The following AGTPBP1 variants were observed in gnomAD, a reference collection of about 807,000 sequenced individuals.
AGTPBP1 encodes ATP/GTP binding carboxypeptidase 1.
AGTPBP1 carries 70 observed loss-of-function variants against 143.9 expected under a neutral mutation model. That is an observed-to-expected ratio of 0.49 (90% CI 0.40 to 0.59). AGTPBP1 has a LOEUF of 0.59. AGTPBP1 is among the 20% of genes least tolerant of loss of function. The probability of loss-of-function intolerance (pLI) is 0.00; values close to 1 mark genes in which losing one functional copy is unlikely to be tolerated. For missense variants in AGTPBP1, 1,229 were observed against 1,464.5 expected (o/e 0.84, Z 2.62); for synonymous variants, 463 against 500.2 (o/e 0.93, Z 0.99).
chr9:85,691,830 A>G (rs973208509), intron 3 of AGTPBP1, among the ~76,000 whole-genome samples: 22 of 152,308 alleles, frequency 1.4e-4, no homozygotes, highest in African/African-American at 4.3e-4. Context: ...GGGTTTTGAT[A>G]TCAATTTAGT....
Position 85,711,149 on chromosome 9 carries a change from G to C in AGTPBP1, c.32+1353C>G, listed in dbSNP as rs574718582. 4.6e-5 allele frequency among the ~76,000 whole-genome samples: 7 copies of C among 152,250 alleles called. No individual in the cohort carries two copies. In the South Asian group the frequency reaches 1.5e-3, roughly 32 times the overall value. On this transcript the variant is annotated intron_variant, in intron 2 of 25. Coordinates refer to ENST00000357081, the MANE Select transcript of AGTPBP1 (RefSeq NM_001330701.2). Reference sequence around the variant, plus strand: ...TACAAAGCAGAAACTTTCATTACCAGTATTAATACACTGTCAATTACCAAG... The same window carrying C: ...TACAAAGCAGAAACTTTCATTACCACTATTAATACACTGTCAATTACCAAG...
intron 14 of AGTPBP1, among the ~76,000 whole-genome samples, chr9:85,622,164 C>T (rs2133566410): frequency 6.6e-6 from 1 of 152,266 alleles, no homozygotes; most frequent in Middle Eastern, 3.4e-3. Context: ...ATTATATGCA[C>T]TGATTTAAAT....
At position 85,625,286 on chromosome 9, in the gene AGTPBP1, A is replaced by T. The variant is rs1831199054; in HGVS notation, c.2016-4001T>A. On this transcript the variant is annotated intron_variant, in intron 14 of 25. Transcript: ENST00000357081. Reference sequence around the variant, plus strand: ...ATTCCCTCAATTGAGATTCTCTCATACATGAATTCTTTCAATTAATGTATG... The same window carrying T: ...ATTCCCTCAATTGAGATTCTCTCATTCATGAATTCTTTCAATTAATGTATG... Among the ~76,000 whole-genome samples, 3 of 152,226 alleles carry T rather than the reference A, an allele frequency of 2.0e-5. 1 individual carries two copies. The highest frequency in any genetic ancestry group is 2.0e-4 in the Admixed American group (3 of 15,278).
intron 7 of AGTPBP1, among the ~76,000 whole-genome samples, chr9:85,672,037 ATTAG>A (rs963309772): frequency 2.0e-5 from 3 of 151,870 alleles, no homozygotes; most frequent in African/African-American, 7.3e-5. Flanking sequence ...AATTGGAGAA[ATTAG>A]TTAGAATGTT....
chr9:85,743,551 A>G (rs1189532855), upstream of AGTPBP1, among the ~76,000 whole-genome samples: 1 of 152,156 alleles, frequency 6.6e-6, no homozygotes, highest in Non-Finnish European at 1.5e-5. Context: ...AATAAACTTC[A>G]CCTCTCCTAG....
At chr9:85,633,517 T>A in intron 13 of AGTPBP1, 143 bp from the exon 14 acceptor site, 1 of 588,698 alleles carries the variant, frequency 1.7e-6, no homozygotes, top group Non-Finnish European at 2.7e-6. Context: ...TTCATTTCAC[T>A]AAAAAGACAA....
rs376947468 is a variant in AGTPBP1, at chr9:85,552,242, T to A, written c.3504-4956A>T. 9.2e-5 allele frequency among the ~76,000 whole-genome samples: 14 copies of A among 152,356 alleles called. No homozygotes were observed. The East Asian group carries it at 1.3e-3, about 15-fold the overall frequency. ...TCTCTGCTGTATGGTATCATTATGA[T>A]GCAGAAAAGGTTTATAATTCCAACT... On this transcript the variant is annotated intron_variant, in intron 25 of 25. Coordinates refer to ENST00000357081, the MANE Select transcript of AGTPBP1 (RefSeq NM_001330701.2).
rs150995023 is a variant in AGTPBP1, at chr9:85,584,825, T to C, written c.3165+638A>G. 4.5e-3 allele frequency among the ~76,000 whole-genome samples: 686 copies of C among 152,320 alleles called. 4 individuals are homozygous for C. The highest frequency in any genetic ancestry group is 0.016 in the African/African-American group (655 of 41,572). The stretch of plus-strand genomic sequence containing the variant: ...AACATTTCACACCTAGGTGAAGAAA[T>C]TTTATACTTTACCAAATATAAAAGA... On this transcript the variant is annotated intron_variant, in intron 23 of 25. Coordinates refer to ENST00000357081, the MANE Select transcript of AGTPBP1 (RefSeq NM_001330701.2).
intron 11 of AGTPBP1, among the ~76,000 whole-genome samples, chr9:85,654,254 C>G (rs1312536922): frequency 1.3e-5 from 2 of 152,056 alleles, no homozygotes; most frequent in East Asian, 3.9e-4. Flanking sequence ...CTCTTTTTCA[C>G]TTTGGTAGAT....
chr9:85,746,082 T>A (rs1167557379), upstream of AGTPBP1, among the ~76,000 whole-genome samples: 2 of 152,020 alleles, frequency 1.3e-5, no homozygotes, highest in Admixed American at 1.3e-4. Context: ...ATTTGCAGAA[T>A]AAGATTAGGG....
intron 1 of AGTPBP1, 50 bp downstream of exon 1, chr9:85,741,725 G>A: frequency 5.5e-6 from 7 of 1,277,440 alleles, no homozygotes; most frequent in South Asian, 2.5e-5. Flanking sequence ...GGCCCGGGGA[G>A]AGCAGAGGGA....
chr9:85,573,087 T>TCCCTCC (rs1827618440), intron 25 of AGTPBP1, among the ~76,000 whole-genome samples: 2 of 151,602 alleles, frequency 1.3e-5, no homozygotes, highest in African/African-American at 2.4e-5. Context: ...CCTCTCCCTC[T>TCCCTCC]CCCTCCCCCT....
At chr9:85,751,147 CT>C in the AGTPBP1 span, among the ~76,000 whole-genome samples, 1 of 152,166 alleles carries the variant, frequency 6.6e-6, no homozygotes, top group African/African-American at 2.4e-5. Flanking sequence ...ATCCCCCTTT[CT>C]GGACCAAAAC....
intron 17 of AGTPBP1, among the ~76,000 whole-genome samples, chr9:85,601,899 C>A (rs960173470): frequency 6.6e-6 from 1 of 152,130 alleles, no homozygotes; most frequent in Non-Finnish European, 1.5e-5. Context: ...ACACCCTAAG[C>A]CAGTGAAGAA....
chr9:85,767,733 C>G, the AGTPBP1 span, among the ~76,000 whole-genome samples: 1 of 152,204 alleles, frequency 6.6e-6, no homozygotes, highest in Non-Finnish European at 1.5e-5. Context: ...CCACCCACCT[C>G]AGCCTCCCAA....
the AGTPBP1 span, among the ~76,000 whole-genome samples, chr9:85,747,605 G>T: frequency 1.3e-5 from 2 of 152,062 alleles, no homozygotes; most frequent in African/African-American, 4.8e-5. Context: ...ACTTAAACTT[G>T]TTCCTAGATA....
At chr9:85,735,601 C>A (rs1839192078) in intron 1 of AGTPBP1, among the ~76,000 whole-genome samples, 1 of 151,668 alleles carries the variant, frequency 6.6e-6, no homozygotes, top group South Asian at 2.1e-4. Context: ...AAATATGAAC[C>A]TTGTGTTAAA....
chr9:85,553,113 T>C (rs1459147160), intron 25 of AGTPBP1, among the ~76,000 whole-genome samples: 1 of 152,172 alleles, frequency 6.6e-6, no homozygotes, highest in African/African-American at 2.4e-5. Context: ...AAGTTATCCA[T>C]AGAAAATGCA....
At chr9:85,794,990 A>G in the AGTPBP1 span, among the ~76,000 whole-genome samples, 1 of 152,150 alleles carries the variant, frequency 6.6e-6, no homozygotes, top group African/African-American at 2.4e-5. Flanking sequence ...TTTTTAGTGG[A>G]TAGTAAATTG....
Sources: allele counts gnomAD v4.1 joint callset (sites outside exome capture counted in the v4.1 genomes callset), GRCh38; gene constraint gnomAD v4.1.1; transcripts MANE v1.5; gene names NCBI Gene and HGNC (gene_info 2026-07-23, HGNC 2026-07-21).